The following FARS2 variants were observed in gnomAD, a reference collection of about 807,000 sequenced individuals.
FARS2 encodes the protein phenylalanine--tRNA ligase, mitochondrial.
FARS2 carries 40 observed loss-of-function variants against 46.4 expected under a neutral mutation model. That is an observed-to-expected ratio of 0.86 (90% CI 0.67 to 1.12). The LOEUF (loss-of-function observed/expected upper bound fraction) is 1.12. FARS2 is among the 50% of genes most tolerant of loss of function. The pLI, the probability that FARS2 is intolerant of heterozygous loss-of-function variation, is 0.00. For missense variants in FARS2, 513 were observed against 567.9 expected (o/e 0.90, Z 0.98); for synonymous variants, 234 against 214.9 (o/e 1.09, Z -0.78).
intron 4 of FARS2, among the ~76,000 whole-genome samples, chr6:5,468,470 A>C (rs755385281): frequency 6.6e-5 from 10 of 152,212 alleles, no homozygotes; most frequent in Non-Finnish European, 1.2e-4. Flanking sequence ...TATTTTCATC[A>C]AGTGCTTCAT....
intron 2 of FARS2, among the ~76,000 whole-genome samples, chr6:5,382,594 T>C (rs1581940937): frequency 6.6e-6 from 1 of 152,188 alleles, no homozygotes; most frequent in Non-Finnish European, 1.5e-5. Context: ...AAAGGCCTAA[T>C]AGTATGTGAA....
intron 1 of FARS2, among the ~76,000 whole-genome samples, chr6:5,285,663 G>T (rs1767056001): frequency 6.6e-6 from 1 of 152,136 alleles, no homozygotes; most frequent in African/African-American, 2.4e-5. Context: ...CATATCAGCA[G>T]CTTTAGGGCA....
intron 4 of FARS2, among the ~76,000 whole-genome samples, chr6:5,465,553 A>AC (rs1307725533): frequency 6.6e-6 from 1 of 152,036 alleles, no homozygotes; most frequent in Admixed American, 6.5e-5. Flanking sequence ...CTTTTTAAAG[A>AC]CCCCCTGGTC....
chr6:5,553,727 G>T (rs187739201), intron 5 of FARS2, among the ~76,000 whole-genome samples: 1 of 152,104 alleles, frequency 6.6e-6, no homozygotes, highest in Non-Finnish European at 1.5e-5. Context: ...ACTTCAGTGT[G>T]CAGGTGAATC....
chr6:5,493,805 C>T (rs1024804364), intron 4 of FARS2, among the ~76,000 whole-genome samples: 1 of 152,222 alleles, frequency 6.6e-6, no homozygotes, highest in Non-Finnish European at 1.5e-5. Context: ...ATGTTTTTCT[C>T]ATAAAGCACT....
Position 5,341,203 on chromosome 6 carries a change from A to C in FARS2, c.-21-27347A>C, listed in dbSNP as rs1402361548. Reference sequence around the variant, plus strand: ...GCCATGGGGAGATATATATATATATATATATATATATATATATATATATAT... The same window carrying C: ...GCCATGGGGAGATATATATATATATCTATATATATATATATATATATATAT... On this transcript the variant is annotated intron_variant, in intron 1 of 6. Coordinates refer to ENST00000274680, the MANE Select transcript of FARS2 (RefSeq NM_006567.5). 1.1e-3 allele frequency among the ~76,000 whole-genome samples: 3 copies of C among 2,740 alleles called. 1 individual carries two copies. The highest frequency in any genetic ancestry group is 4.1e-3 in the African/African-American group (3 of 734). 1.8% of individuals were successfully genotyped at this position (2,740 alleles called of 152,430 possible).
intron 3 of FARS2, among the ~76,000 whole-genome samples, chr6:5,419,724 G>A (rs570527948): frequency 6.6e-6 from 1 of 152,198 alleles, no homozygotes; most frequent in South Asian, 2.1e-4. Context: ...GCTGCATTTG[G>A]GTGACAGTAT....
intron 4 of FARS2, among the ~76,000 whole-genome samples, chr6:5,441,409 A>G (rs1468786140): frequency 1.3e-5 from 2 of 151,962 alleles, no homozygotes; most frequent in Non-Finnish European, 2.9e-5. Flanking sequence ...CACATTCTGA[A>G]TTTTGTATTA....
At chr6:5,719,780 T>C (rs1008466959) in intron 6 of FARS2, among the ~76,000 whole-genome samples, 1 of 152,250 alleles carries the variant, frequency 6.6e-6, no homozygotes, top group Non-Finnish European at 1.5e-5. Context: ...TTCTGTAGCA[T>C]CATTCAGCTC....
At chr6:5,569,623 G>A (rs1427546491) in intron 5 of FARS2, among the ~76,000 whole-genome samples, 1 of 152,204 alleles carries the variant, frequency 6.6e-6, no homozygotes. Context: ...CAAGTCTTCA[G>A]CTGAGCAACT....
chr6:5,615,088 A>G (rs6931923), intron 6 of FARS2, among the ~76,000 whole-genome samples: 1,892 of 152,290 alleles, frequency 0.012, 37 homozygotes, highest in African/African-American at 0.042. Context: ...CCACCTCAGT[A>G]TTGATCTTTT....
At chr6:5,746,204 G>T (rs1761626957) in intron 6 of FARS2, among the ~76,000 whole-genome samples, 1 of 152,140 alleles carries the variant, frequency 6.6e-6, no homozygotes, top group Non-Finnish European at 1.5e-5. Flanking sequence ...CCCAAAGCCA[G>T]GCAGGCTTTC....
intron 5 of FARS2, among the ~76,000 whole-genome samples, chr6:5,580,073 T>C (rs7744367): frequency 0.82 from 125,144 of 151,714 alleles, 51,710 homozygotes; most frequent in East Asian, 0.88. Context: ...AGGCGGATCA[T>C]GAGGTCAAGA....
chr6:5,317,637 G>T (rs1449269448), intron 1 of FARS2, among the ~76,000 whole-genome samples: 1 of 151,902 alleles, frequency 6.6e-6, no homozygotes, highest in East Asian at 1.9e-4. Flanking sequence ...AAAATTAGCT[G>T]GGCATGGTGA....
At chr6:5,265,110 T>A (rs924685497) in intron 1 of FARS2, among the ~76,000 whole-genome samples, 1 of 152,140 alleles carries the variant, frequency 6.6e-6, no homozygotes, top group Admixed American at 6.5e-5. Flanking sequence ...ATAATTTCTT[T>A]TTGACAGTTG....
chr6:5,345,875 G>A (rs1490187978), intron 1 of FARS2, among the ~76,000 whole-genome samples: 5 of 152,164 alleles, frequency 3.3e-5, no homozygotes. Context: ...TGAAGAGAAT[G>A]GACTTTTTGT....
intron 4 of FARS2, among the ~76,000 whole-genome samples, chr6:5,524,532 A>G (rs947210687): frequency 6.6e-6 from 1 of 152,270 alleles, no homozygotes; most frequent in Non-Finnish European, 1.5e-5. Context: ...GTTCATTGCT[A>G]CTTGACGTGT....
chr6:5,414,313 A>C (rs539278917), intron 3 of FARS2, among the ~76,000 whole-genome samples: 1 of 152,212 alleles, frequency 6.6e-6, no homozygotes, highest in Non-Finnish European at 1.5e-5. Context: ...AACTTTTGAC[A>C]TAATTATACA....
At chr6:5,722,355 T>G (rs1213699844) in intron 6 of FARS2, among the ~76,000 whole-genome samples, 11 of 152,178 alleles carry the variant, frequency 7.2e-5, no homozygotes, top group Non-Finnish European at 1.2e-4. Flanking sequence ...ATATACAGTT[T>G]GACATAGACA....
Sources: allele counts gnomAD v4.1 joint callset (sites outside exome capture counted in the v4.1 genomes callset), GRCh38; gene constraint gnomAD v4.1.1; transcripts MANE v1.5; gene names NCBI Gene and HGNC (gene_info 2026-07-23, HGNC 2026-07-21).